Variants in SIX2 observed in about 807,000 individuals in gnomAD.
SIX2 encodes homeobox protein SIX2.
Under a neutral mutation model 22.8 loss-of-function variants are expected in SIX2, and 20 were observed. That is an observed-to-expected ratio of 0.88 (90% CI 0.62 to 1.28). SIX2 has a LOEUF of 1.28. SIX2 is among the 50% of genes most tolerant of loss of function. The probability of loss-of-function intolerance (pLI) is 0.00; values close to 1 mark genes in which losing one functional copy is unlikely to be tolerated. For missense variants in SIX2, 360 were observed against 400.0 expected (o/e 0.90, Z 0.85); for synonymous variants, 195 against 186.4 (o/e 1.05, Z -0.37).
rs546453073 is a variant in SIX2 at position 45,008,787 on chromosome 2, T to C, written c.324A>G (p.Lys108=). ...LRGRPLGAVG[K]YRVRRKFPLP... is the part of the protein sequence containing the mutation. ...GCGGGAATTTGCGGCGCACGCGGTA[T>C]TTGCCCACGGCGCCCAGGGGTCGGC... Residue 108 remains lysine (K), a synonymous_variant, in exon 1 of 2, where the codon AAA becomes AAG. Transcript: ENST00000303077. The C allele has an allele frequency of 4.3e-6, 7 of 1,613,840 alleles. No homozygotes were observed. The South Asian group carries it at 7.7e-5, about 18-fold the overall frequency.
chr2:45,008,383 C>A (rs1667806711), intron 1 of SIX2, among the ~76,000 whole-genome samples, 168 bp downstream of exon 1: 1 of 152,278 alleles, frequency 6.6e-6, no homozygotes, highest in South Asian at 2.1e-4. Context: ...CGCCGGGTCT[C>A]CGGCATAGAA....
Position 45,008,806 on chromosome 2 carries a change from G to A in SIX2, c.305C>T (p.Pro102Leu). 1 of 1,613,860 alleles carries A rather than the reference G, an allele frequency of 6.2e-7. No individual in the cohort carries two copies. The highest frequency in any genetic ancestry group is 8.5e-7 in the Non-Finnish European group (1 of 1,179,954). ...GCGGTATTTGCCCACGGCGCCCAGG[G>A]GTCGGCCGCGCAGCTTCTCCGCCTC... The part of the protein sequence containing the change: ...YIEAEKLRGR[P>L]LGAVGKYRVR... Residue 102 changes from proline (P) to leucine (L), a missense_variant, in exon 1 of 2, where the codon CCC becomes CTC. Pro to Leu is a moderately conservative substitution (Grantham distance 98, BLOSUM62 -3). Coordinates refer to ENST00000303077, the MANE Select transcript of SIX2 (RefSeq NM_016932.5).
rs919209803 is a variant in SIX2 at position 45,005,792 on chromosome 2, G to A, written c.*378C>T. On this transcript the variant is annotated 3_prime_UTR_variant, in exon 2 of 2. Coordinates refer to ENST00000303077, the MANE Select transcript of SIX2 (RefSeq NM_016932.5). Reference sequence around the variant, plus strand: ...CTAGAAGGAAAGCAATACAAGGAGAGGGAGAAAGACAGAAAGCAGAAAAAA... The same window carrying A: ...CTAGAAGGAAAGCAATACAAGGAGAAGGAGAAAGACAGAAAGCAGAAAAAA... 2.7e-6 allele frequency: 1 copy of A among 364,560 alleles called. No individual in the cohort carries two copies. Among genetic ancestry groups the A allele is most frequent in the Admixed American group, 4.0e-5 (1 of 25,206 alleles). The allele number at this position is 364,560 out of a possible 1,614,324, so 22.6% of individuals were successfully genotyped here. A position where few individuals can be genotyped will look rare whatever the true frequency, so the allele number is the denominator to read the frequency against.
chr2:45,006,154 T>G lies in SIX2; in HGVS notation c.*16A>C. On this transcript the variant is annotated 3_prime_UTR_variant, in exon 2 of 2. Coordinates refer to ENST00000303077, the MANE Select transcript of SIX2 (RefSeq NM_016932.5). This position sits in a 1 kb window ranked among gnomAD's most constrained non-coding sequence, Gnocchi z 4.2. ...TGTCAAGTCACAAAAGGCAAGCTCA[T>G]CAAGGCAAATGGGTTCTAGGAGCCC... is the stretch of plus-strand genomic sequence containing the variant. The G allele has an allele frequency of 6.2e-7, 1 of 1,614,042 alleles. No individual in the cohort carries two copies.
rs1006676401 is a variant in SIX2, at chr2:45,005,935, T to C, written c.*235A>G. On this transcript the variant is annotated 3_prime_UTR_variant, in exon 2 of 2. Coordinates refer to ENST00000303077, the MANE Select transcript of SIX2 (RefSeq NM_016932.5). ...GTGGTGTATAATTTATTCCCTTCTG[T>C]GGTTCAAGACTCAGTCTCCAGCCCC... 1.4e-5 allele frequency: 9 copies of C among 622,886 alleles called. No homozygotes were observed. The highest frequency in any genetic ancestry group is 2.6e-5 in the Non-Finnish European group (9 of 344,130). The allele number at this position is 622,886 out of a possible 1,614,324, so 38.6% of individuals were successfully genotyped here. A position where few individuals can be genotyped will look rare whatever the true frequency, so the allele number is the denominator to read the frequency against.
At position 45,006,229 on chromosome 2, in the gene SIX2, C is replaced by T; in HGVS notation, c.817G>A (p.Gly273Ser). 2.5e-6 allele frequency: 4 copies of T among 1,614,254 alleles called. No homozygotes were observed. The highest frequency in any genetic ancestry group is 2.5e-6 in the Non-Finnish European group (3 of 1,180,044). ...GGGTTGAGGATGGAGTCCTGCAGGCCATGGTGGTGTTGCAGTGGGTCCGCT... is the reference window on the plus strand; with the variant it reads ...GGGTTGAGGATGGAGTCCTGCAGGCTATGGTGGTGTTGCAGTGGGTCCGCT... ...GGADPLQHHH[G>S]LQDSILNPMS... The change falls in exon 2 of 2, where the codon GGC (glycine) becomes AGC (serine). Residue 273 changes from glycine (G) to serine (S), a missense_variant. By Grantham distance (56) the Gly-to-Ser change is moderately conservative. Transcript: ENST00000303077. This position sits in a 1 kb window ranked among gnomAD's most constrained non-coding sequence, Gnocchi z 4.2.
chr2:45,005,872 G>T lies in SIX2; in HGVS notation c.*298C>A. ...AAGGGGGAAAAGGCAAGACAAGAGA[G>T]GGTAAAAGGAAGAGACAGAGGGAGA... On this transcript the variant is annotated 3_prime_UTR_variant, in exon 2 of 2. Coordinates refer to ENST00000303077, the MANE Select transcript of SIX2 (RefSeq NM_016932.5). 1.9e-6 allele frequency: 1 copy of T among 527,676 alleles called. No homozygotes were observed. Among genetic ancestry groups the T allele is most frequent in the Non-Finnish European group, 3.4e-6 (1 of 291,968 alleles). The allele number at this position is 527,676 out of a possible 1,614,324, so 32.7% of individuals were successfully genotyped here.
rs930932115 is a variant in SIX2 at position 45,009,324 on chromosome 2, T to A, written c.-214A>T. On this transcript the variant is annotated 5_prime_UTR_variant, in exon 1 of 2. Coordinates refer to ENST00000303077, the MANE Select transcript of SIX2 (RefSeq NM_016932.5). ...TCCGAACCCCAACGGCCCGCGCGCC[T>A]GGCCCAAGCCCTCGCCCAAGCCCGG... is the stretch of plus-strand genomic sequence containing the variant. 5 of 230,260 alleles carry A rather than the reference T, an allele frequency of 2.2e-5. No individual in the cohort carries two copies. The highest frequency in any genetic ancestry group is 1.4e-3 in the Middle Eastern group (1 of 690). The allele number at this position is 230,260 out of a possible 1,614,324, so 14.3% of individuals were successfully genotyped here.
At position 45,005,622 on chromosome 2, in the gene SIX2, A is replaced by C. The variant is rs77492481; in HGVS notation, c.*548T>G. On this transcript the variant is annotated 3_prime_UTR_variant, in exon 2 of 2. Coordinates refer to ENST00000303077, the MANE Select transcript of SIX2 (RefSeq NM_016932.5). ...CAGAGGTAGGGGCAGATAGACCACC[A>C]GTCAGGAGGAGAAAGACAGGGGTAC... 5,947 of 177,466 alleles carry C rather than the reference A, an allele frequency of 0.034. 269 individuals are homozygous for C. The highest frequency in any genetic ancestry group is 0.17 in the East Asian group (1,266 of 7,334). 11.0% of individuals were successfully genotyped at this position (177,466 alleles called of 1,614,324 possible). A position where few individuals can be genotyped will look rare whatever the true frequency, so the allele number is the denominator to read the frequency against.
At position 45,009,166 on chromosome 2, in the gene SIX2, C is replaced by A. The variant is rs1035129104; in HGVS notation, c.-56G>T. 7.9e-6 allele frequency: 11 copies of A among 1,393,830 alleles called. No individual in the cohort carries two copies. The highest frequency in any genetic ancestry group is 9.3e-6 in the Non-Finnish European group (10 of 1,081,080). The allele number at this position is 1,393,830 out of a possible 1,614,324, so 86.3% of individuals were successfully genotyped here. On this transcript the variant is annotated 5_prime_UTR_variant, in exon 1 of 2. Coordinates refer to ENST00000303077, the MANE Select transcript of SIX2 (RefSeq NM_016932.5). The stretch of plus-strand genomic sequence containing the variant: ...GCGCCCTCACCGGGCCGCGCGGTCC[C>A]GCATGGGAGCTTCCTCGCCGGGCCG...
At chr2:45,008,293 T>C (rs1317258757) in intron 1 of SIX2, among the ~76,000 whole-genome samples, 1 of 152,274 alleles carries the variant, frequency 6.6e-6, no homozygotes, top group African/African-American at 2.4e-5. Context: ...TCTCTGCTTC[T>C]CCACCCTTTT....
rs1667770225 is a variant in SIX2, at chr2:45,006,576, T to C, written c.561-91A>G. On this transcript the variant is annotated intron_variant, in intron 1 of 1. Coordinates refer to ENST00000303077, the MANE Select transcript of SIX2 (RefSeq NM_016932.5). The surrounding 1 kb of genome is among the most constrained non-coding windows in gnomAD (Gnocchi z 4.2). ...TCACAGTCAGAGCCAGCCACCAGCC[T>C]CGGGAGACAGATCCCGGGCTTGTGG... 8.0e-7 allele frequency: 1 copy of C among 1,248,844 alleles called. No individual in the cohort carries two copies. Among genetic ancestry groups the C allele is most frequent in the African/African-American group, 1.5e-5 (1 of 68,002 alleles). 77.4% of individuals were successfully genotyped at this position (1,248,844 alleles called of 1,614,324 possible).
chr2:45,008,443 G>A, intron 1 of SIX2, 108 bp downstream of exon 1: 1 of 1,212,878 alleles, frequency 8.2e-7, no homozygotes, highest in Non-Finnish European at 1.2e-6. Flanking sequence ...GGCTGTGGCC[G>A]GGCCTGGGGG....
chr2:45,006,252 G>T lies in SIX2; in HGVS notation c.794C>A (p.Ala265Glu). ...GCCATGGTGGTGTTGCAGTGGGTCC[G>T]CTCCACCTCCGCCTGGCACCGGCAC... ...VPVPVPGGGG[A>E]DPLQHHHGLQ... Residue 265 changes from alanine (A) to glutamate (E), a missense_variant, in exon 2 of 2, where the codon GCG (alanine) becomes GAG (glutamate). By Grantham distance (107) the Ala-to-Glu change is moderately radical. This residue lies in a region of SIX2 where 235 missense variants were observed against 231.9 expected (regional missense o/e 1.01). Transcript: ENST00000303077. The surrounding 1 kb of genome is among the most constrained non-coding windows in gnomAD (Gnocchi z 4.2). The T allele has an allele frequency of 6.2e-7, 1 of 1,614,210 alleles. No individual in the cohort carries two copies. Among genetic ancestry groups the T allele is most frequent in the Non-Finnish European group, 8.5e-7 (1 of 1,180,010 alleles).
At chr2:45,007,810 A>T (rs1437787895) in intron 1 of SIX2, among the ~76,000 whole-genome samples, 1 of 152,154 alleles carries the variant, frequency 6.6e-6, no homozygotes, top group Non-Finnish European at 1.5e-5. Flanking sequence ...TCCAACTCCC[A>T]GCCCCTCTGT....
chr2:45,006,486 C>A lies in SIX2; in HGVS notation c.561-1G>T. 1 of 1,612,916 alleles carries A rather than the reference C, an allele frequency of 6.2e-7. No homozygotes were observed. The highest frequency in any genetic ancestry group is 1.1e-5 in the South Asian group (1 of 91,068). ...AGAATTGGAGTTCTCGTTGTTCTCC[C>A]TGCAAGTGCGGGAGCAAAGCAGCGG... On this transcript the variant is annotated splice_acceptor_variant, in intron 1 of 1. Transcript: ENST00000303077. LOFTEE classifies it high-confidence loss of function. The surrounding 1 kb of genome is among the most constrained non-coding windows in gnomAD (Gnocchi z 4.2).
chr2:45,008,103 G>T (rs750802399), intron 1 of SIX2, among the ~76,000 whole-genome samples: 1 of 152,242 alleles, frequency 6.6e-6, no homozygotes, highest in South Asian at 2.1e-4. Context: ...CCCCAGTCCC[G>T]ACCCCATCAC....
At chr2:45,008,086 G>A (rs1405149089) in intron 1 of SIX2, among the ~76,000 whole-genome samples, 6 of 152,192 alleles carry the variant, frequency 3.9e-5, no homozygotes, top group African/African-American at 1.4e-4. Flanking sequence ...TTCTAGGGAA[G>A]TTCCAGCCCC....
rs1476186900 is a variant in SIX2 at position 45,008,922 on chromosome 2, G to C, written c.189C>G (p.Phe63Leu). The C allele has an allele frequency of 6.2e-7, 1 of 1,613,864 alleles. No individual in the cohort carries two copies. The highest frequency in any genetic ancestry group is 1.3e-5 in the African/African-American group (1 of 74,938). ...TCTCCAGGATCTTGTAGAGCTCGCG[G>C]AAGTTGCCGCGGTGGAAGGCCACCA... is the stretch of plus-strand genomic sequence containing the variant. ...KAVVAFHRGNFRELYKILESH... is the reference protein window; with the variant it reads ...KAVVAFHRGNLRELYKILESH... The change falls in exon 1 of 2, where the codon TTC becomes TTG. Residue 63 changes from phenylalanine to leucine, a missense_variant. By Grantham distance (22) the Phe-to-Leu change is conservative (BLOSUM62 0). Around this residue, in one of 3 missense-constraint regions of SIX2, gnomAD observed 118 missense variants for 135.1 expected, o/e 0.87. Transcript: ENST00000303077.
Sources: gnomAD v4.1 joint callset for allele counts (sites outside exome capture counted in the v4.1 genomes callset) on GRCh38, gnomAD v4.1.1 for gene constraint, gnomAD v4.1.1 regional missense constraint, Gnocchi (gnomAD v3.1) non-coding constraint, MANE v1.5 for transcripts, NCBI Gene and HGNC (gene_info 2026-07-23, HGNC 2026-07-21) for gene names.